The following ZNF142 variants were observed in gnomAD, a reference collection of about 807,000 sequenced individuals.
ZNF142 encodes the protein zinc finger protein 142.
In ZNF142, 96 loss-of-function variants were observed where a neutral mutation model predicts 132.1. That is an observed-to-expected ratio of 0.73 (90% CI 0.62 to 0.86). The LOEUF is 0.86. Among genes scored for constraint, ZNF142 ranks in the 40% least tolerant of loss-of-function variants. The probability of loss-of-function intolerance (pLI) is 0.00; values close to 1 mark genes in which losing one functional copy is unlikely to be tolerated. For synonymous variants in ZNF142, 842 were observed against 890.1 expected (o/e 0.95, Z 0.96); for missense variants, 2,163 against 2,336.2 (o/e 0.93, Z 1.53).
chr2:218,639,384 C>T (rs922692747), intron 10 of ZNF142, among the ~76,000 whole-genome samples: 2 of 152,164 alleles, frequency 1.3e-5, no homozygotes, highest in African/African-American at 2.4e-5. Context: ...TGATGATTAA[C>T]GGGACCTCTA....
rs1348232892 is a variant in ZNF142 at position 218,633,714 on chromosome 2, TATC to T, written c.*4622_*4624del. ...AAGGAGCACTACCACTTCTACGAGA[TATC>T]ATCTTTCTCTGAAACCAAGGCCAAG... On this transcript the variant is annotated 3_prime_UTR_variant, in exon 11 of 11. Coordinates refer to ENST00000411696, the MANE Select transcript of ZNF142 (RefSeq NM_001379659.1). The T allele has an allele frequency of 6.2e-7, 1 of 1,613,960 alleles. No individual in the cohort carries two copies. The highest frequency in any genetic ancestry group is 8.5e-7 in the Non-Finnish European group (1 of 1,179,884).
rs748057377 is a variant in ZNF142, at chr2:218,650,464, G to A, written c.943C>T (p.Gln315Ter). The A allele has an allele frequency of 1.2e-6, 2 of 1,613,814 alleles. No individual in the cohort carries two copies. The highest frequency in any genetic ancestry group is 1.7e-5 in the Admixed American group (1 of 59,982). ...SQEAGTPLPG[Q>*]ETAEEENVEK... is the part of the protein sequence containing the mutation. The stretch of plus-strand genomic sequence containing the variant: ...ACATTCTCCTCTTCAGCTGTCTCCT[G>A]CCCAGGCAAGGGTGTACCTGCTTCC... Residue 315 changes from glutamine (Q) to a stop codon, truncating the protein, a stop_gained, in exon 6 of 11, where the codon CAG becomes TAG. Coordinates refer to ENST00000411696, the MANE Select transcript of ZNF142 (RefSeq NM_001379659.1). LOFTEE classifies it high-confidence loss of function.
chr2:218,636,034 C>A lies in ZNF142; in HGVS notation c.*2305G>T. ...TAGCATCTGTTATTGCATGTCCCCA[C>A]ATGGGAGGCAGTGTGGAACAGTACA... On this transcript the variant is annotated 3_prime_UTR_variant, in exon 11 of 11. Transcript: ENST00000411696. The A allele has an allele frequency of 6.5e-7, 1 of 1,543,018 alleles. No homozygotes were observed. The highest frequency in any genetic ancestry group is 8.8e-7 in the Non-Finnish European group (1 of 1,129,944).
In ZNF142 at chr2:218,635,969, G is replaced by A. The variant is rs201987708; in HGVS notation, c.*2370C>T. On this transcript the variant is annotated 3_prime_UTR_variant, in exon 11 of 11. Coordinates refer to ENST00000411696, the MANE Select transcript of ZNF142 (RefSeq NM_001379659.1). ...CAGTGCTGGGGAGGTGGGGGTAGGA[G>A]CATGATTAGTTTTCCTTCTAGTCTG... The A allele has an allele frequency of 3.1e-6, 5 of 1,613,366 alleles. No homozygotes were observed. Among genetic ancestry groups the A allele is most frequent in the Non-Finnish European group, 4.2e-6 (5 of 1,179,528 alleles).
rs1300009307 is a variant in ZNF142 at position 218,637,631 on chromosome 2, T to C, written c.*708A>G. ...TGTAGCTGCTGAGCCAGTCTGAGGA[T>C]TGATGATGAGCTAAAGTTGCTTCTA... On this transcript the variant is annotated 3_prime_UTR_variant, in exon 11 of 11. Transcript: ENST00000411696. 1.3e-5 allele frequency among the ~76,000 whole-genome samples: 2 copies of C among 152,306 alleles called. No homozygotes were observed. The highest frequency in any genetic ancestry group is 1.9e-4 in the East Asian group (1 of 5,184).
chr2:218,651,285 A>G (rs1326282466), intron 5 of ZNF142, among the ~76,000 whole-genome samples: 2 of 152,200 alleles, frequency 1.3e-5, no homozygotes, highest in Non-Finnish European at 2.9e-5. Flanking sequence ...CCCAGCCCAA[A>G]GGGTTATTTC....
chr2:218,652,214 A>G lies in ZNF142; in HGVS notation c.367T>C (p.Cys123Arg), dbSNP rs766579339. 1 of 456,662 alleles carries G rather than the reference A, an allele frequency of 2.2e-6. No homozygotes were observed. Among genetic ancestry groups the G allele is most frequent in the African/African-American group, 2.0e-5 (1 of 50,074 alleles). 28.3% of individuals were successfully genotyped at this position (456,662 alleles called of 1,614,324 possible). ...ACAGGCTGTATATGGGTCTCACTGC[A>G]CTGGTGCAGGGCCAGCAGAGTGGGC... ...AEPTLLALHQ[C>R]SETHIQPVQG... is the part of the protein sequence containing the mutation. The change falls in exon 5 of 11, where the codon TGC becomes CGC. Residue 123 changes from cysteine to arginine, a missense_variant. By Grantham distance (180) the Cys-to-Arg change is radical. Coordinates refer to ENST00000411696, the MANE Select transcript of ZNF142 (RefSeq NM_001379659.1).
chr2:218,650,042 T>C (rs1937834255), intron 6 of ZNF142, among the ~76,000 whole-genome samples: 1 of 152,180 alleles, frequency 6.6e-6, no homozygotes, highest in African/African-American at 2.4e-5. Flanking sequence ...CCAGACAAAA[T>C]AGGCTGCTGA....
chr2:218,638,737 C>T lies in ZNF142; in HGVS notation c.5266G>A (p.Glu1756Lys), dbSNP rs767725121. The T allele has an allele frequency of 3.7e-6, 6 of 1,613,186 alleles. No individual in the cohort carries two copies. The highest frequency in any genetic ancestry group is 1.1e-5 in the South Asian group (1 of 91,082). Residue 1756 changes from glutamate to lysine, a missense_variant, in exon 11 of 11, where the codon GAG (glutamate) becomes AAG (lysine). Glu to Lys is a moderately conservative substitution (Grantham distance 56). This residue lies in a region of ZNF142 where 325 missense variants were observed against 367.8 expected (regional missense o/e 0.88). Coordinates refer to ENST00000411696, the MANE Select transcript of ZNF142 (RefSeq NM_001379659.1). ...NRADALRVHQ[E>K]TRHREARAFM... ...GCCCGTGCTTCTCGATGCCGGGTCTCCTGGTGCACACGCAGTGCATCAGCC... is the reference window on the plus strand; with the variant it reads ...GCCCGTGCTTCTCGATGCCGGGTCTTCTGGTGCACACGCAGTGCATCAGCC...
At chr2:218,654,429 C>T (rs1025952977) in intron 4 of ZNF142, among the ~76,000 whole-genome samples, 6 of 149,214 alleles carry the variant, frequency 4.0e-5, no homozygotes, top group African/African-American at 7.4e-5. Flanking sequence ...TTCAGTGGTG[C>T]GATCTTGGCT....
chr2:218,645,052 G>A lies in ZNF142; in HGVS notation c.2064C>T (p.Asn688=). Residue 688 remains asparagine (N), a synonymous_variant, in exon 9 of 11, where the codon AAC becomes AAT. Transcript: ENST00000411696. The stretch of plus-strand genomic sequence containing the variant: ...CCCGGTGACAGCGATAGGAGCACTG[G>A]TTGCACTGATACCTGGCAAGGAGGG... ...KHAGDLRYQC[N]QCSYRCHRAD... is the part of the protein sequence containing the mutation. 1 of 1,608,288 alleles carries A rather than the reference G, an allele frequency of 6.2e-7. No homozygotes were observed. Among genetic ancestry groups the A allele is most frequent in the Non-Finnish European group, 8.5e-7 (1 of 1,175,530 alleles).
chr2:218,651,250 G>A (rs1937960311), intron 5 of ZNF142, among the ~76,000 whole-genome samples: 1 of 152,118 alleles, frequency 6.6e-6, no homozygotes, highest in Admixed American at 6.6e-5. Flanking sequence ...TCAAATTGTT[G>A]GGATCACAGG....
In ZNF142 at chr2:218,636,070, G is replaced by C. The variant is rs1241713372; in HGVS notation, c.*2269C>G. 1.4e-6 allele frequency: 2 copies of C among 1,448,262 alleles called. No homozygotes were observed. 89.7% of individuals were successfully genotyped at this position (1,448,262 alleles called of 1,614,324 possible). A position where few individuals can be genotyped will look rare whatever the true frequency, so the allele number is the denominator to read the frequency against. On this transcript the variant is annotated 3_prime_UTR_variant, in exon 11 of 11. Transcript: ENST00000411696. ...GTGTGGAACAGTACAAAGAATCCTG[G>C]CTCTTCACTTAAAAGCTCCAGTGAC...
Position 218,656,171 on chromosome 2 carries a change from C to A in ZNF142, c.259G>T (p.Gly87Cys), listed in dbSNP as rs773565062. The change falls in exon 4 of 11, where the codon GGT becomes TGT. Residue 87 changes from glycine (G) to cysteine (C), a missense_variant. By Grantham distance (159) the Gly-to-Cys change is radical. Transcript: ENST00000411696. ...VETVAGTLTP[G>C]APGETPGVLV... ...GTACCTGGGGTCTCTCCAGGAGCACCTGGGGTCAGGGTTCCAGCTACTGTC... is the reference window on the plus strand; with the variant it reads ...GTACCTGGGGTCTCTCCAGGAGCACATGGGGTCAGGGTTCCAGCTACTGTC... 6.9e-6 allele frequency: 11 copies of A among 1,599,838 alleles called. No homozygotes were observed. Among genetic ancestry groups the A allele is most frequent in the Non-Finnish European group, 9.4e-6 (11 of 1,170,794 alleles).
chr2:218,633,674 A>G lies in ZNF142; in HGVS notation c.*4665T>C, dbSNP rs1349314460. ...CTACTTGAAGTCTGTCTCATTCCGC[A>G]GCTTCACACATTCAAAGGAGCACTA... On this transcript the variant is annotated 3_prime_UTR_variant, in exon 11 of 11. Coordinates refer to ENST00000411696, the MANE Select transcript of ZNF142 (RefSeq NM_001379659.1). The G allele has an allele frequency of 6.2e-7, 1 of 1,613,448 alleles. No homozygotes were observed. Among genetic ancestry groups the G allele is most frequent in the Non-Finnish European group, 8.5e-7 (1 of 1,179,430 alleles).
Position 218,636,223 on chromosome 2 carries a change from C to G in ZNF142, c.*2116G>C. Reference sequence around the variant, plus strand: ...AAACTGTCATAATGTCTTCTTATTTCTTTCTGTCCACCAACTCAGGTTTTA... The same window carrying G: ...AAACTGTCATAATGTCTTCTTATTTGTTTCTGTCCACCAACTCAGGTTTTA... On this transcript the variant is annotated 3_prime_UTR_variant, in exon 11 of 11. Transcript: ENST00000411696. The G allele has an allele frequency of 1.2e-6, 2 of 1,609,690 alleles. No homozygotes were observed. Among genetic ancestry groups the G allele is most frequent in the Non-Finnish European group, 1.7e-6 (2 of 1,176,052 alleles).
Position 218,643,449 on chromosome 2 carries a change from G to A in ZNF142, c.3667C>T (p.Gln1223Ter), listed in dbSNP as rs746628993. 2 of 1,614,236 alleles carry A rather than the reference G, an allele frequency of 1.2e-6. No homozygotes were observed. The highest frequency in any genetic ancestry group is 1.1e-5 in the South Asian group (1 of 91,086). The stretch of plus-strand genomic sequence containing the variant: ...CAGGAGTTGCAGTGAAACTTGCCCT[G>A]CTCAAAGCGGTGCTTCTTCAGGGCC... ...TEALKKHRFEQGKFHCNSCPF... is the reference protein window; with the variant it reads ...TEALKKHRFE Residue 1223 changes from glutamine to a stop codon, truncating the protein, a stop_gained, in exon 9 of 11, where the codon CAG becomes TAG. Transcript: ENST00000411696. LOFTEE classifies it high-confidence loss of function.
chr2:218,655,874 G>A (rs1205309346), intron 4 of ZNF142, among the ~76,000 whole-genome samples: 1 of 152,134 alleles, frequency 6.6e-6, no homozygotes, highest in East Asian at 1.9e-4. Context: ...AGCCAGGATT[G>A]GGCGGAGGTG....
In ZNF142 at chr2:218,635,894, C is replaced by CA. The variant is rs1559279412; in HGVS notation, c.*2444dup. 1.2e-6 allele frequency: 2 copies of CA among 1,614,008 alleles called. No homozygotes were observed. The highest frequency in any genetic ancestry group is 2.2e-5 in the South Asian group (2 of 91,082). Reference sequence around the variant, plus strand: ...TGCAGATCTTTGGCGTTCGTCTAGACACAGCACGGCAGGAGACCAACTATG... The same window carrying CA: ...TGCAGATCTTTGGCGTTCGTCTAGACAACAGCACGGCAGGAGACCAACTATG... On this transcript the variant is annotated 3_prime_UTR_variant, in exon 11 of 11. Coordinates refer to ENST00000411696, the MANE Select transcript of ZNF142 (RefSeq NM_001379659.1).
Sources: gnomAD v4.1 joint callset for allele counts (sites outside exome capture counted in the v4.1 genomes callset) on GRCh38, gnomAD v4.1.1 for gene constraint, gnomAD v4.1.1 regional missense constraint, MANE v1.5 for transcripts, NCBI Gene and HGNC (gene_info 2026-07-23, HGNC 2026-07-21) for gene names.